SPIDR: variants seen among roughly 807,000 people sequenced by gnomAD.
SPIDR encodes the protein DNA repair-scaffolding protein.
A neutral mutation model predicts 104.6 loss-of-function variants in SPIDR; 93 were observed. The ratio of observed to expected loss-of-function variants is 0.89; its 90% CI spans 0.75 to 1.06. The LOEUF (loss-of-function observed/expected upper bound fraction) is 1.06, where lower values mean the gene tolerates loss of function less well. Among genes scored for constraint, SPIDR ranks in the 50% least tolerant of loss-of-function variants. The probability of loss-of-function intolerance (pLI) is 0.00; values close to 1 mark genes in which losing one functional copy is unlikely to be tolerated. For synonymous variants in SPIDR, 431 were observed against 416.9 expected, an observed-to-expected ratio of 1.03 and a Z score of -0.41; for missense variants, 1,154 against 1,111.2, an observed-to-expected ratio of 1.04 and a Z score of -0.55.
intron 5 of SPIDR, among the ~76,000 whole-genome samples, chr8:47,393,094 C>T (rs75066936): frequency 0.025 from 3,781 of 152,204 alleles, 68 homozygotes; most frequent in Non-Finnish European, 0.037. Flanking sequence ...GTTGTGTTTC[C>T]ATCCCACATC....
chr8:47,589,022 G>GTTTTTTTTTTTTTTTTTT (rs1168001066), intron 8 of SPIDR, among the ~76,000 whole-genome samples: 36 of 89,056 alleles, frequency 4.0e-4, no homozygotes, highest in Non-Finnish European at 6.3e-4. Flanking sequence ...TTTATAGTTT[G>GTTTTTTTTTTTTTTTTTT]TTTTTTTTTT....
rs551681890 is a variant in SPIDR at position 47,562,115 on chromosome 8, T to C, written c.1098-33696T>C. Among the ~76,000 whole-genome samples the C allele has an allele frequency of 9.8e-5, 15 of 152,360 alleles. 1 individual carries two copies. The South Asian group carries it at 1.0e-3, about 11-fold the overall frequency. On this transcript the variant is annotated intron_variant, in intron 8 of 19. Transcript: ENST00000297423. ...ATCTTAGAGTGATCACATCCACTTATAATAATTTCACCTAGTTAACAGCTA... is the reference window on the plus strand; with the variant it reads ...ATCTTAGAGTGATCACATCCACTTACAATAATTTCACCTAGTTAACAGCTA...
At chr8:47,519,285 C>T (rs2083648749) in intron 8 of SPIDR, among the ~76,000 whole-genome samples, 1 of 152,200 alleles carries the variant, frequency 6.6e-6, no homozygotes, top group South Asian at 2.1e-4. Context: ...GCTGGGATTA[C>T]AGGCGCATGC....
At chr8:47,309,878 T>C (rs1412541868) in intron 5 of SPIDR, among the ~76,000 whole-genome samples, 2 of 143,324 alleles carry the variant, frequency 1.4e-5, no homozygotes, top group Non-Finnish European at 3.0e-5. Context: ...CTCTAAAGAA[T>C]ACCAAAAAAA....
At chr8:47,530,798 A>AT (rs1451058027) in intron 8 of SPIDR, among the ~76,000 whole-genome samples, 1 of 152,032 alleles carries the variant, frequency 6.6e-6, no homozygotes, top group Non-Finnish European at 1.5e-5. Flanking sequence ...ATTTTTCTTA[A>AT]TTTTTTATCC....
chr8:47,396,760 C>T lies in SPIDR; in HGVS notation c.776+134C>T, dbSNP rs2061297632. 28 of 954,952 alleles carry T rather than the reference C, an allele frequency of 2.9e-5. 1 individual carries two copies. The highest frequency in any genetic ancestry group is 8.2e-5 in the Admixed American group (3 of 36,790). The allele number at this position is 954,952 out of a possible 1,614,324, so 59.2% of individuals were successfully genotyped here. A position where few individuals can be genotyped will look rare whatever the true frequency, so the allele number is the denominator to read the frequency against. ...TGGAGCTGATTAATGGAATGTTCAT[C>T]GAAGTTGAGGGTCATGGCTTTACTC... On this transcript the variant is annotated intron_variant, in intron 6 of 19. Transcript: ENST00000297423.
intron 16 of SPIDR, among the ~76,000 whole-genome samples, chr8:47,725,534 G>A (rs1410799514): frequency 1.3e-5 from 2 of 152,114 alleles, no homozygotes; most frequent in Non-Finnish European, 2.9e-5. Flanking sequence ...TGGGACTACA[G>A]GCGCGTGCCA....
At chr8:47,324,369 C>T (rs570105921) in intron 5 of SPIDR, among the ~76,000 whole-genome samples, 2 of 147,024 alleles carry the variant, frequency 1.4e-5, no homozygotes, top group East Asian at 4.3e-4. Context: ...TGTTGTCATT[C>T]TCTACTAGCT....
At chr8:47,590,467 T>C (rs2060873225) in intron 8 of SPIDR, among the ~76,000 whole-genome samples, 1 of 152,212 alleles carries the variant, frequency 6.6e-6, no homozygotes, top group Admixed American at 6.5e-5. Flanking sequence ...TTTCAAAGTG[T>C]TTGGAGAATT....
At chr8:47,492,405 A>G (rs1488269559) in intron 8 of SPIDR, among the ~76,000 whole-genome samples, 1 of 152,192 alleles carries the variant, frequency 6.6e-6, no homozygotes, top group Non-Finnish European at 1.5e-5. Flanking sequence ...CATCCCCAAG[A>G]AACAGATAAA....
rs1162956113 is a variant in SPIDR at position 47,712,854 on chromosome 8, G to A, written c.2170G>A (p.Asp724Asn). Residue 724 changes from aspartate to asparagine, a missense_variant, in exon 15 of 20, where the codon GAC becomes AAC. Coordinates refer to ENST00000297423, the MANE Select transcript of SPIDR (RefSeq NM_001080394.4). ...GAAPHSLFFK[D>N]ALRDQGRIVC... ...TGCCCCTCACAGCCTCTTCTTCAAG[G>A]ACGCTCTCCGTGACCAGGGTGTGCT... The A allele has an allele frequency of 1.2e-6, 2 of 1,614,054 alleles. No individual in the cohort carries two copies. Among genetic ancestry groups the A allele is most frequent in the East Asian group, 4.5e-5 (2 of 44,876 alleles).
At chr8:47,668,915 T>C (rs969851752) in intron 10 of SPIDR, among the ~76,000 whole-genome samples, 2 of 152,110 alleles carry the variant, frequency 1.3e-5, no homozygotes, top group African/African-American at 4.8e-5. Context: ...TGGAGAAACT[T>C]ACAAAATTTT....
chr8:47,620,645 ATCTC>A (rs747430984), intron 10 of SPIDR, among the ~76,000 whole-genome samples: 8 of 144,024 alleles, frequency 5.6e-5, no homozygotes, highest in Non-Finnish European at 1.1e-4. Context: ...TTGAGACAGA[ATCTC>A]TCTCTGTCAT....
At chr8:47,656,364 A>ATTTG (rs1364679962) in intron 10 of SPIDR, among the ~76,000 whole-genome samples, 1 of 152,232 alleles carries the variant, frequency 6.6e-6, no homozygotes, top group Non-Finnish European at 1.5e-5. Context: ...ATTCAAATAG[A>ATTTG]CATTTATTCA....
intron 8 of SPIDR, among the ~76,000 whole-genome samples, chr8:47,577,338 A>G (rs1423808767): frequency 6.6e-6 from 1 of 152,246 alleles, no homozygotes; most frequent in Non-Finnish European, 1.5e-5. Flanking sequence ...GGCAAAGTGG[A>G]CAGGCTCCAT....
intron 5 of SPIDR, among the ~76,000 whole-genome samples, chr8:47,391,395 C>G (rs1222868580): frequency 2.0e-5 from 3 of 151,716 alleles, no homozygotes; most frequent in Admixed American, 6.6e-5. Flanking sequence ...TTAAAAATAG[C>G]CAGGTATGGT....
intron 8 of SPIDR, chr8:47,547,467 G>C (rs190500344): frequency 7.6e-5 from 16 of 210,992 alleles, no homozygotes; most frequent in Non-Finnish European, 1.4e-4. Context: ...TCGCTCTGTC[G>C]CCAGGCTGGA....
intron 10 of SPIDR, among the ~76,000 whole-genome samples, chr8:47,647,488 G>C (rs1481897465): frequency 6.6e-6 from 1 of 152,060 alleles, no homozygotes; most frequent in East Asian, 1.9e-4. Flanking sequence ...GTTGGTGCAC[G>C]CCTATAATCT....
chr8:47,414,042 T>G (rs1333782568), intron 7 of SPIDR, among the ~76,000 whole-genome samples: 1 of 152,364 alleles, frequency 6.6e-6, no homozygotes, highest in African/African-American at 2.4e-5. Flanking sequence ...TGTAGGTCTG[T>G]ATCACATTCT....
Sources: gnomAD v4.1 joint callset for allele counts (sites outside exome capture counted in the v4.1 genomes callset) on GRCh38, gnomAD v4.1.1 for gene constraint, MANE v1.5 for transcripts, NCBI Gene and HGNC (gene_info 2026-07-23, HGNC 2026-07-21) for gene names.